SEZ6L2: variants seen among roughly 807,000 people sequenced by gnomAD.
SEZ6L2 encodes the protein seizure related 6 homolog like 2.
In SEZ6L2, 44 loss-of-function variants were observed where a neutral mutation model predicts 97.0. The ratio of observed to expected loss-of-function variants is 0.45; its 90% confidence interval spans 0.36 to 0.58. The LOEUF (loss-of-function observed/expected upper bound fraction) is 0.58, where lower values mean the gene tolerates loss of function less well. SEZ6L2 is among the 20% of genes least tolerant of loss of function. The pLI, the probability that SEZ6L2 is intolerant of heterozygous loss-of-function variation, is 0.00. For missense variants in SEZ6L2, 1,086 were observed against 1,233.3 expected (o/e 0.88, Z 1.79); for synonymous variants, 543 against 546.1 (o/e 0.99, Z 0.08).
At chr16:29,898,115 A>T in intron 1 of SEZ6L2, 131 bp from the exon 2 acceptor site, 1 of 1,335,314 alleles carries the variant, frequency 7.5e-7, no homozygotes, top group East Asian at 2.5e-5. Context: ...CCCAGGCTCG[A>T]CTGAGGGCCA....
Position 29,873,862 on chromosome 16 carries a change from T to G in SEZ6L2, c.2105-133A>C. On this transcript the variant is annotated intron_variant, in intron 12 of 17. Transcript: ENST00000617533. This position sits in a 1 kb window ranked among gnomAD's most constrained non-coding sequence, Gnocchi z 4.3. Reference sequence around the variant, plus strand: ...GGTGGCGCACTCCTGTGGTTCCAGCTACTCAGGAGTTGGAGGCGGGATGAT... The same window carrying G: ...GGTGGCGCACTCCTGTGGTTCCAGCGACTCAGGAGTTGGAGGCGGGATGAT... 1.3e-6 allele frequency: 1 copy of G among 786,404 alleles called. No homozygotes were observed. Among genetic ancestry groups the G allele is most frequent in the Non-Finnish European group, 2.0e-6 (1 of 509,924 alleles). 48.7% of individuals were successfully genotyped at this position (786,404 alleles called of 1,614,324 possible).
intron 8 of SEZ6L2, among the ~76,000 whole-genome samples, chr16:29,884,684 C>T (rs563213167): frequency 1.5e-4 from 23 of 151,958 alleles, no homozygotes; most frequent in African/African-American, 5.5e-4. Context: ...GAGGCGGAGG[C>T]GGGCAGATCA....
intron 8 of SEZ6L2, among the ~76,000 whole-genome samples, chr16:29,882,359 C>T (rs957321308): frequency 6.6e-6 from 1 of 151,854 alleles, no homozygotes; most frequent in African/African-American, 2.4e-5. Flanking sequence ...GGTGAATCAC[C>T]TGAGGTCAGG....
chr16:29,873,172 C>T lies in SEZ6L2; in HGVS notation c.2488+68G>A. The T allele has an allele frequency of 6.4e-7, 1 of 1,565,966 alleles. No individual in the cohort carries two copies. Among genetic ancestry groups the T allele is most frequent in the African/African-American group, 1.3e-5 (1 of 74,262 alleles). ...TCGCCCATTGGTCTCAAATGTGCTACCTGACTCTCCCAGCCCTGTCACTTC... is the reference window on the plus strand; with the variant it reads ...TCGCCCATTGGTCTCAAATGTGCTATCTGACTCTCCCAGCCCTGTCACTTC... On this transcript the variant is annotated intron_variant, in intron 14 of 17. Transcript: ENST00000617533. The surrounding 1 kb of genome is among the most constrained non-coding windows in gnomAD (Gnocchi z 4.3).
At position 29,879,884 on chromosome 16, in the gene SEZ6L2, T is replaced by C. The variant is rs1352737449; in HGVS notation, c.1553A>G (p.Asp518Gly). The C allele has an allele frequency of 6.2e-7, 1 of 1,609,214 alleles. No homozygotes were observed. Among genetic ancestry groups the C allele is most frequent in the Admixed American group, 1.7e-5 (1 of 59,660 alleles). The change falls in exon 9 of 18, where the codon GAC becomes GGC. Residue 518 changes from aspartate to glycine, a missense_variant. By Grantham distance (94) the Asp-to-Gly change is moderately conservative (BLOSUM62 -1). This residue lies in a region of SEZ6L2 where 776 missense variants were observed against 794.7 expected (regional missense o/e 0.98). Transcript: ENST00000617533. Reference protein sequence around the residue: ...CVDPTEPHWNDTEPACKAMCG... With the variant: ...CVDPTEPHWNGTEPACKAMCG... ...CTCACCTTTGCAGGCCGGCTCTGTG[T>C]CGTTCCAGTGGGGTTCTGTGGGATC...
chr16:29,893,870 TTTTG>T (rs1274244590), intron 5 of SEZ6L2, among the ~76,000 whole-genome samples: 2 of 152,106 alleles, frequency 1.3e-5, no homozygotes, highest in Admixed American at 6.6e-5. Context: ...CTGTTTGTGT[TTTTG>T]TTTGTTTGTT....
intron 10 of SEZ6L2, among the ~76,000 whole-genome samples, chr16:29,877,996 AG>A (rs2067946946): frequency 6.6e-6 from 1 of 152,232 alleles, no homozygotes; most frequent in South Asian, 2.1e-4. Context: ...CTCCAGGGGA[AG>A]CCTCAGAAAC....
rs144441369 is a variant in SEZ6L2 at position 29,879,415 on chromosome 16, G to C, written c.1573+449C>G. Among the ~76,000 whole-genome samples, 495 of 151,522 alleles carry C rather than the reference G, an allele frequency of 3.3e-3. 3 individuals are homozygous for C. The highest frequency in any genetic ancestry group is 0.01 in the African/African-American group (426 of 41,286). On this transcript the variant is annotated intron_variant, in intron 9 of 17. Transcript: ENST00000617533. ...TAATTTTGTATTTTAAGTAGAGACA[G>C]GGTTTCTCCATGTTGATCAGGCTGG...
At chr16:29,881,138 G>C (rs1175222680) in intron 8 of SEZ6L2, among the ~76,000 whole-genome samples, 2 of 152,044 alleles carry the variant, frequency 1.3e-5, no homozygotes, top group Non-Finnish European at 2.9e-5. Context: ...GTCAAAAAAA[G>C]TTCTAACACT....
intron 15 of SEZ6L2, 70 bp downstream of exon 15, chr16:29,872,635 C>T: frequency 6.2e-7 from 1 of 1,602,296 alleles, no homozygotes; most frequent in African/African-American, 1.3e-5. Flanking sequence ...AAGGCCTGGC[C>T]TCCTGCCCCA....
At position 29,897,981 on chromosome 16, in the gene SEZ6L2, A is replaced by C; in HGVS notation, c.83T>G (p.Leu28Arg). Residue 28 changes from leucine (L) to arginine (R), a missense_variant, in exon 2 of 18, where the codon CTG becomes CGG. Around this residue, in one of 2 missense-constraint regions of SEZ6L2, gnomAD observed 776 missense variants for 794.7 expected, o/e 0.98. Coordinates refer to ENST00000617533, the MANE Select transcript of SEZ6L2 (RefSeq NM_001243332.2). ...CAATATCTCCTCCTCCTTCAGGGGC[A>C]GACCTAGGAGGTGAAGTTGTGTGAG... ...ILLSCPWIQG[L>R]PLKEEEILPE... is the part of the protein sequence containing the mutation. 4 of 1,613,012 alleles carry C rather than the reference A, an allele frequency of 2.5e-6. No individual in the cohort carries two copies. The East Asian group carries it at 8.9e-5, about 36-fold the overall frequency.
chr16:29,886,047 A>G (rs2068133369), intron 7 of SEZ6L2: 1 of 248,164 alleles, frequency 4.0e-6, no homozygotes, highest in African/African-American at 2.2e-5. Context: ...TGCTAGGTAA[A>G]GGATGATAAT....
intron 5 of SEZ6L2, among the ~76,000 whole-genome samples, chr16:29,890,534 C>T (rs1395060139): frequency 6.6e-6 from 1 of 152,132 alleles, no homozygotes; most frequent in Non-Finnish European, 1.5e-5. Flanking sequence ...GCCTACACAA[C>T]ACAGTTTTGT....
intron 17 of SEZ6L2, 126 bp downstream of exon 17, chr16:29,872,061 G>A (rs2067794273): frequency 1.3e-6 from 1 of 761,722 alleles, no homozygotes; most frequent in African/African-American, 1.8e-5. Context: ...TATGCTCATT[G>A]ACATGGCCTC....
At chr16:29,893,063 G>A (rs1325464132) in intron 5 of SEZ6L2, among the ~76,000 whole-genome samples, 2 of 152,156 alleles carry the variant, frequency 1.3e-5, no homozygotes, top group Admixed American at 6.6e-5. Flanking sequence ...CATGGCTCAC[G>A]CCTGTAATCT....
chr16:29,872,743 A>T lies in SEZ6L2; in HGVS notation c.2489T>A (p.Val830Asp), dbSNP rs1228116584. The change falls in exon 15 of 18, where the codon GTT becomes GAT. Residue 830 changes from valine to aspartate, a missense_variant and splice_region_variant. By Grantham distance (152) the Val-to-Asp change is radical (BLOSUM62 -3). This residue lies in a region of SEZ6L2 where 310 missense variants were observed against 438.6 expected (regional missense o/e 0.71). Coordinates refer to ENST00000617533, the MANE Select transcript of SEZ6L2 (RefSeq NM_001243332.2). ...GTTGTCCAGGAGCTCCTCATAGGCA[A>T]CTGCAGGGAGAGGAGGGGGAGGGGA... ...QWTSQPPLCK[V>D]AYEELLDNRK... The T allele has an allele frequency of 4.4e-6, 7 of 1,607,124 alleles. No homozygotes were observed. Among genetic ancestry groups the T allele is most frequent in the Non-Finnish European group, 4.3e-6 (5 of 1,175,814 alleles).
chr16:29,877,249 C>G (rs1177112978), intron 11 of SEZ6L2, 22 bp downstream of exon 11: 1 of 1,531,872 alleles, frequency 6.5e-7, no homozygotes, highest in African/African-American at 1.4e-5. Context: ...CCTGCCCATC[C>G]CGGGACTCTA....
chr16:29,887,644 C>A lies in SEZ6L2; in HGVS notation c.1208+5G>T. Reference sequence around the variant, plus strand: ...GGACTTCTGACCCAAGACCCAGACCCTTACCGGTCATTGTCCTCATCCAGC... The same window carrying A: ...GGACTTCTGACCCAAGACCCAGACCATTACCGGTCATTGTCCTCATCCAGC... On this transcript the variant is annotated splice_donor_5th_base_variant and intron_variant, in intron 7 of 17. Transcript: ENST00000617533. 6.4e-7 allele frequency: 1 copy of A among 1,562,674 alleles called. No homozygotes were observed. The highest frequency in any genetic ancestry group is 1.2e-5 in the South Asian group (1 of 82,940).
Position 29,871,611 on chromosome 16 carries a change from C to T in SEZ6L2, c.*88G>A. 1 of 1,362,102 alleles carries T rather than the reference C, an allele frequency of 7.3e-7. No homozygotes were observed. Among genetic ancestry groups the T allele is most frequent in the Non-Finnish European group, 1.0e-6 (1 of 972,034 alleles). The allele number at this position is 1,362,102 out of a possible 1,614,324, so 84.4% of individuals were successfully genotyped here. On this transcript the variant is annotated 3_prime_UTR_variant, in exon 18 of 18. Transcript: ENST00000617533. ...TTACACAGCCAGGGAGGAGGGCAGCCAGGAGGCAGAGACCGGGTCCCGTAT... is the reference window on the plus strand; with the variant it reads ...TTACACAGCCAGGGAGGAGGGCAGCTAGGAGGCAGAGACCGGGTCCCGTAT...
Sources: gnomAD v4.1 joint callset for allele counts (sites outside exome capture counted in the v4.1 genomes callset) on GRCh38, gnomAD v4.1.1 for gene constraint, gnomAD v4.1.1 regional missense constraint, Gnocchi (gnomAD v3.1) non-coding constraint, MANE v1.5 for transcripts, NCBI Gene and HGNC (gene_info 2026-07-23, HGNC 2026-07-21) for gene names.